Variants in SEMA4A observed in about 807,000 individuals in gnomAD.
The protein encoded by SEMA4A is semaphorin 4A.
A neutral mutation model predicts 72.5 loss-of-function variants in SEMA4A; 52 were observed. The ratio of observed to expected loss-of-function variants is 0.72; its 90% CI spans 0.57 to 0.90. The LOEUF (loss-of-function observed/expected upper bound fraction) is 0.90. Among genes scored for constraint, SEMA4A ranks in the 40% least tolerant of loss-of-function variants. The pLI is 0.00. For synonymous variants in SEMA4A, 369 were observed against 393.1 expected (o/e 0.94, Z 0.73); for missense variants, 926 against 959.7 (o/e 0.96, Z 0.46).
chr1:156,176,527 T>A lies in SEMA4A; in HGVS notation c.1816T>A (p.Tyr606Asn), dbSNP rs1249480817. 4.3e-6 allele frequency: 7 copies of A among 1,614,178 alleles called. No individual in the cohort carries two copies. Among genetic ancestry groups the A allele is most frequent in the South Asian group, 1.1e-5 (1 of 91,084 alleles). Reference sequence around the variant, plus strand: ...AGTCCCAGAAGCCTCTTCCACTGTCTACAATGGCTCCCTCTTGCTGATAGT... The same window carrying A: ...AGTCCCAGAAGCCTCTTCCACTGTCAACAATGGCTCCCTCTTGCTGATAGT... ...AAVPEASSTV[Y>N]NGSLLLIVQD... The change falls in exon 15 of 15, where the codon TAC becomes AAC. Residue 606 changes from tyrosine (Y) to asparagine (N), a missense_variant. Tyr to Asn is a moderately radical substitution (Grantham distance 143). Coordinates refer to ENST00000368285, the MANE Select transcript of SEMA4A (RefSeq NM_022367.4).
At chr1:156,156,362 G>T in intron 2 of SEMA4A, 52 bp from the exon 3 acceptor site, 1 of 1,582,024 alleles carries the variant, frequency 6.3e-7, no homozygotes, top group South Asian at 1.1e-5. Context: ...TCAGGAGTCA[G>T]CTGCCTGCCC....
Position 156,176,748 on chromosome 1 carries a change from C to A in SEMA4A, c.2037C>A (p.Ser679=). 6.2e-7 allele frequency: 1 copy of A among 1,612,602 alleles called. No individual in the cohort carries two copies. Among genetic ancestry groups the A allele is most frequent in the Non-Finnish European group, 8.5e-7 (1 of 1,178,770 alleles). ...GGGCCGCCCTGGCTGCCCAGCAGTC[C>A]TACTGGCCCCACTTTGTCACTGTCA... is the stretch of plus-strand genomic sequence containing the variant. ...SGGAALAAQQ[S]YWPHFVTVTV... The change falls in exon 15 of 15, where the codon TCC becomes TCA. Residue 679 remains serine, a synonymous_variant. Transcript: ENST00000368285.
chr1:156,173,700 G>A (rs1655032707), intron 11 of SEMA4A, among the ~76,000 whole-genome samples: 1 of 152,154 alleles, frequency 6.6e-6, no homozygotes, highest in African/African-American at 2.4e-5. Flanking sequence ...GGAAGCCAAG[G>A]GAGCTCTTAT....
Position 156,161,396 on chromosome 1 carries a change from G to T in SEMA4A, c.861G>T (p.Leu287=), listed in dbSNP as rs138398085. The T allele has an allele frequency of 4.7e-4, 726 of 1,538,912 alleles. 14 individuals are homozygous for T. In the East Asian group the frequency reaches 0.018, roughly 39 times the overall value. Residue 287 remains leucine (L), a synonymous_variant, in exon 9 of 15, where the codon CTG becomes CTT. Transcript: ENST00000368285. ...TGCAGAAGAAGTGGACCACCTTCCTGAAGGCCCAGCTGCTCTGCACCCAGC... is the reference window on the plus strand; with the variant it reads ...TGCAGAAGAAGTGGACCACCTTCCTTAAGGCCCAGCTGCTCTGCACCCAGC... ...KLLQKKWTTF[L]KAQLLCTQPG...
rs1655130803 is a variant in SEMA4A at position 156,174,670 on chromosome 1, T to C, written c.1316-152T>C. The C allele has an allele frequency of 4.8e-6, 4 of 838,004 alleles. No homozygotes were observed. The East Asian group carries it at 1.1e-4, about 22-fold the overall frequency. The allele number at this position is 838,004 out of a possible 1,614,324, so 51.9% of individuals were successfully genotyped here. ...CATTTACAAGAGACTGCCATCTCCA[T>C]GGCACAGAGGAAGGTGAATGATCTG... On this transcript the variant is annotated intron_variant, in intron 11 of 14. Transcript: ENST00000368285.
At chr1:156,158,678 G>A in intron 5 of SEMA4A, 41 bp from the exon 6 acceptor site, 1 of 1,513,390 alleles carries the variant, frequency 6.6e-7, no homozygotes, top group Non-Finnish European at 9.2e-7. Flanking sequence ...CCAGATGTGA[G>A]ACCTTGGCGT....
At chr1:156,160,854 C>G (rs751164493) in intron 7 of SEMA4A, 51 bp from the exon 8 acceptor site, 1 of 1,612,100 alleles carries the variant, frequency 6.2e-7, no homozygotes, top group African/African-American at 1.3e-5. Context: ...TCAGGCAAAC[C>G]CAGGGCATGC....
Position 156,163,194 on chromosome 1 carries a change from T to C in SEMA4A, c.1134+100T>C, listed in dbSNP as rs994740298. 7.3e-6 allele frequency: 10 copies of C among 1,365,440 alleles called. No homozygotes were observed. In the East Asian group the frequency reaches 1.9e-4, roughly 26 times the overall value. 84.6% of individuals were successfully genotyped at this position (1,365,440 alleles called of 1,614,324 possible). A position where few individuals can be genotyped will look rare whatever the true frequency, so the allele number is the denominator to read the frequency against. On this transcript the variant is annotated intron_variant, in intron 10 of 14. Coordinates refer to ENST00000368285, the MANE Select transcript of SEMA4A (RefSeq NM_022367.4). ...GTAAATGCCCAATAAATGTTAGTGC[T>C]CTCCACCCCACCAATCTCGCCTGCT...
chr1:156,163,720 C>CAAAAA (rs34408918), intron 10 of SEMA4A, among the ~76,000 whole-genome samples: 2 of 17,780 alleles, frequency 1.1e-4, no homozygotes, highest in Non-Finnish European at 2.0e-4. Context: ...GACTCAGTCT[C>CAAAAA]AAAAAAAAAA....
At chr1:156,167,857 T>C (rs1654321403) in intron 10 of SEMA4A, among the ~76,000 whole-genome samples, 1 of 152,248 alleles carries the variant, frequency 6.6e-6, no homozygotes, top group Non-Finnish European at 1.5e-5. Flanking sequence ...ATAGTAATGA[T>C]GGATTTCTGT....
chr1:156,161,270 CG>C lies in SEMA4A; in HGVS notation c.811-70del. 5 of 652,002 alleles carry C rather than the reference CG, an allele frequency of 7.7e-6. No individual in the cohort carries two copies. In the South Asian group the frequency reaches 8.5e-5, roughly 11 times the overall value. 40.4% of individuals were successfully genotyped at this position (652,002 alleles called of 1,614,324 possible). Reference sequence around the variant, plus strand: ...GGGACTGGGGGGACACGCCGAGCTGCGGGGGGCGGGGAGGACACGCGGGGCT... The same window carrying C: ...GGGACTGGGGGGACACGCCGAGCTGCGGGGGCGGGGAGGACACGCGGGGCT... On this transcript the variant is annotated intron_variant, in intron 8 of 14. Coordinates refer to ENST00000368285, the MANE Select transcript of SEMA4A (RefSeq NM_022367.4).
chr1:156,175,473 C>T (rs991592072), intron 13 of SEMA4A, 83 bp from the exon 14 acceptor site: 6 of 1,215,992 alleles, frequency 4.9e-6, no homozygotes, highest in Admixed American at 3.8e-5. Flanking sequence ...ACCTTCTTCC[C>T]TACTGCACTT....
chr1:156,175,363 AT>A (rs1216684759), intron 13 of SEMA4A, 120 bp downstream of exon 13: 80 of 1,306,812 alleles, frequency 6.1e-5, no homozygotes, highest in Non-Finnish European at 3.3e-6. Flanking sequence ...GAGTCCTCCC[AT>A]CCTGCAGTGG....
chr1:156,148,362 G>A (rs1319809223), upstream of SEMA4A, among the ~76,000 whole-genome samples: 2 of 152,210 alleles, frequency 1.3e-5, no homozygotes, highest in South Asian at 2.1e-4. Context: ...GAGATGCAGA[G>A]AGGCAGTGAG....
chr1:156,160,616 C>CT, intron 7 of SEMA4A, 57 bp downstream of exon 7: 1 of 1,448,658 alleles, frequency 6.9e-7, no homozygotes, highest in Non-Finnish European at 9.7e-7. Context: ...CTTGCTAATT[C>CT]ACTCAACTTT....
upstream of SEMA4A, among the ~76,000 whole-genome samples, chr1:156,148,868 T>C (rs540245902): frequency 6.0e-5 from 9 of 149,492 alleles, no homozygotes; most frequent in African/African-American, 2.2e-4. Flanking sequence ...AATGGCATGA[T>C]CTCGGCTCAC....
rs188819422 is a variant in SEMA4A, at chr1:156,173,885, G to A, written c.1315+879G>A. Among the ~76,000 whole-genome samples, 296 of 152,210 alleles carry A rather than the reference G, an allele frequency of 1.9e-3. 1 individual carries two copies. The highest frequency in any genetic ancestry group is 0.013 in the South Asian group (62 of 4,824). ...AGCACTTTGGGAGGCTGAGGTGGGT[G>A]GATCACCTGAGGTCAGGAGTTCGAG... On this transcript the variant is annotated intron_variant, in intron 11 of 14. Coordinates refer to ENST00000368285, the MANE Select transcript of SEMA4A (RefSeq NM_022367.4).
At chr1:156,154,474 G>T in intron 1 of SEMA4A, 76 bp from the exon 2 acceptor site, 1 of 1,350,584 alleles carries the variant, frequency 7.4e-7, no homozygotes, top group Non-Finnish European at 1.0e-6. Flanking sequence ...TGCTGCCTGG[G>T]GCTCTCCTAT....
At chr1:156,170,550 G>A (rs967398025) in intron 10 of SEMA4A, among the ~76,000 whole-genome samples, 9 of 145,710 alleles carry the variant, frequency 6.2e-5, no homozygotes, top group Non-Finnish European at 1.2e-4. Context: ...AGGTCAGATC[G>A]AGACCATCCT....
Sources: allele counts gnomAD v4.1 joint callset (sites outside exome capture counted in the v4.1 genomes callset), GRCh38; gene constraint gnomAD v4.1.1; transcripts MANE v1.5; gene names NCBI Gene and HGNC (gene_info 2026-07-23, HGNC 2026-07-21).